BCAS3: variants seen among roughly 807,000 people sequenced by gnomAD.
BCAS3 encodes BCAS3 microtubule associated cell migration factor, also known as BCAS4/BCAS3 fusion.
Under a neutral mutation model 116.1 loss-of-function variants are expected in BCAS3, and 53 were observed. That is an observed-to-expected ratio of 0.46 (90% CI 0.37 to 0.57). BCAS3 has a LOEUF of 0.57. BCAS3 is among the 20% of genes least tolerant of loss of function. The probability of loss-of-function intolerance (pLI) is 0.00; values close to 1 mark genes in which losing one functional copy is unlikely to be tolerated. For synonymous variants in BCAS3, 391 were observed against 408.2 expected (o/e 0.96, Z 0.51); for missense variants, 917 against 1,165.4 (o/e 0.79, Z 3.10).
intron 15 of BCAS3, among the ~76,000 whole-genome samples, chr17:60,999,890 A>G (rs1177647066): frequency 1.3e-5 from 2 of 152,078 alleles, no homozygotes; most frequent in Admixed American, 6.5e-5. Flanking sequence ...ACGTATTTCT[A>G]GGTATTTTAT....
chr17:61,380,588 C>T lies in BCAS3; in HGVS notation c.2594-11389C>T. 6.3e-7 allele frequency: 1 copy of T among 1,595,618 alleles called. No individual in the cohort carries two copies. Among genetic ancestry groups the T allele is most frequent in the Non-Finnish European group, 8.5e-7 (1 of 1,177,410 alleles). ...AGTGTTTTGGTATGTAACGTCCTAT[C>T]TTTGCCTATGTGGAAGGGGTTGTCC... On this transcript the variant is annotated intron_variant, in intron 23 of 23. Transcript: ENST00000407086. This position sits in a 1 kb window ranked among gnomAD's most constrained non-coding sequence, Gnocchi z 4.2.
At chr17:60,826,053 G>A (rs1307812864) in intron 7 of BCAS3, among the ~76,000 whole-genome samples, 1 of 151,504 alleles carries the variant, frequency 6.6e-6, no homozygotes. Flanking sequence ...GTAGAAACAG[G>A]GTTTCATTTT....
intron 1 of BCAS3, among the ~76,000 whole-genome samples, chr17:60,678,418 G>A (rs142098816): frequency 9.9e-4 from 150 of 152,262 alleles, no homozygotes; most frequent in African/African-American, 3.2e-3. Context: ...GTTCCAGGTT[G>A]TGGGCTTCCC....
chr17:61,036,034 C>T (rs1600652846), intron 17 of BCAS3, among the ~76,000 whole-genome samples: 1 of 152,282 alleles, frequency 6.6e-6, no homozygotes, highest in South Asian at 2.1e-4. Context: ...TCTTTCTAAT[C>T]CCTGCTTTGA....
At chr17:61,277,564 C>A (rs2050872842) in intron 22 of BCAS3, among the ~76,000 whole-genome samples, 1 of 152,026 alleles carries the variant, frequency 6.6e-6, no homozygotes, top group Admixed American at 6.6e-5. Context: ...AAATGACCCA[C>A]AAAATGGGAG....
chr17:61,386,796 G>GTTTTTT (rs57275173), intron 23 of BCAS3, among the ~76,000 whole-genome samples: 1 of 113,838 alleles, frequency 8.8e-6, no homozygotes. Context: ...TTTGTTTTTT[G>GTTTTTT]TTTTTTTTTT....
chr17:61,049,328 A>C (rs1003142804), intron 19 of BCAS3, among the ~76,000 whole-genome samples: 1 of 151,922 alleles, frequency 6.6e-6, no homozygotes, highest in Non-Finnish European at 1.5e-5. Context: ...TCAATAAATA[A>C]ATTGCAGAAG....
chr17:60,773,562 G>A (rs1329697418), intron 6 of BCAS3, among the ~76,000 whole-genome samples: 1 of 151,834 alleles, frequency 6.6e-6, no homozygotes, highest in Non-Finnish European at 1.5e-5. Flanking sequence ...CAAAGTACTG[G>A]GATTATAGGC....
rs58524713 is a variant in BCAS3 at position 61,373,729 on chromosome 17, G to GCCCCCC, written c.2593+5239_2593+5240insCCCCCC. Among the ~76,000 whole-genome samples, 141 of 142,086 alleles carry GCCCCCC rather than the reference G, an allele frequency of 9.9e-4. 2 individuals carry two copies. Among genetic ancestry groups the GCCCCCC allele is most frequent in the South Asian group, 4.7e-3 (20 of 4,288 alleles). The allele number at this position is 142,086 out of a possible 152,430, so 93.2% of individuals were successfully genotyped here. On this transcript the variant is annotated intron_variant, in intron 23 of 23. Coordinates refer to ENST00000407086, the MANE Select transcript of BCAS3 (RefSeq NM_017679.5). ...TTACAGGCATGAACCACGATGCCCA[G>GCCCCCC]CCCCTGTTTAAAGTATTCTTGATGC...
At chr17:61,330,821 T>C (rs1049131319) in intron 22 of BCAS3, among the ~76,000 whole-genome samples, 4 of 152,252 alleles carry the variant, frequency 2.6e-5, no homozygotes, top group Non-Finnish European at 5.9e-5. Flanking sequence ...CAAGTAACTT[T>C]CTTTCCCTGG....
intron 7 of BCAS3, among the ~76,000 whole-genome samples, chr17:60,860,419 C>A (rs1041001833): frequency 4.6e-5 from 7 of 152,122 alleles, no homozygotes; most frequent in African/African-American, 1.4e-4. Flanking sequence ...AAATATTTTT[C>A]TGTCCTTCTG....
chr17:61,060,973 C>A (rs941234476), intron 19 of BCAS3, among the ~76,000 whole-genome samples: 7 of 152,108 alleles, frequency 4.6e-5, no homozygotes, highest in Non-Finnish European at 1.0e-4. Context: ...GCTCTTCTTA[C>A]TTTTGGAAAG....
intron 4 of BCAS3, among the ~76,000 whole-genome samples, chr17:60,706,210 C>T (rs1305172393): frequency 6.6e-6 from 1 of 151,870 alleles, no homozygotes; most frequent in African/African-American, 2.4e-5. Context: ...TTACAGGCAC[C>T]CACCACCACG....
intron 10 of BCAS3, chr17:60,891,732 C>G: frequency 2.2e-6 from 1 of 455,984 alleles, no homozygotes; most frequent in Non-Finnish European, 4.4e-6. Flanking sequence ...GGGGATTCAG[C>G]TTCTAGTGTA....
At chr17:61,357,438 A>G (rs1256757729) in intron 22 of BCAS3, among the ~76,000 whole-genome samples, 3 of 149,624 alleles carry the variant, frequency 2.0e-5, no homozygotes, top group Admixed American at 6.6e-5. Flanking sequence ...TCTAAAAAAA[A>G]AAAATTTTTA....
At chr17:60,937,277 TTC>T (rs1337558136) in intron 13 of BCAS3, among the ~76,000 whole-genome samples, 4 of 152,090 alleles carry the variant, frequency 2.6e-5, no homozygotes, top group East Asian at 1.9e-4. Flanking sequence ...TTTTGAGTTT[TTC>T]TCTCTCTTTT....
chr17:60,836,420 C>T (rs1326215467), intron 7 of BCAS3, among the ~76,000 whole-genome samples: 3 of 152,070 alleles, frequency 2.0e-5, no homozygotes, highest in Non-Finnish European at 4.4e-5. Context: ...GAAGCTTATA[C>T]GGTAGTTCTT....
chr17:60,721,769 T>TAA (rs764733104), intron 5 of BCAS3, among the ~76,000 whole-genome samples: 26 of 152,244 alleles, frequency 1.7e-4, no homozygotes, highest in African/African-American at 5.5e-4. Context: ...TATATATATA[T>TAA]AACCTTCTAA....
chr17:60,733,562 TGGG>T (rs2040673807), intron 5 of BCAS3, among the ~76,000 whole-genome samples: 1 of 152,136 alleles, frequency 6.6e-6, no homozygotes, highest in Non-Finnish European at 1.5e-5. Flanking sequence ...GATGTTTGGT[TGGG>T]TGTGGTAGCT....
Sources: gnomAD v4.1 joint callset for allele counts (sites outside exome capture counted in the v4.1 genomes callset) on GRCh38, gnomAD v4.1.1 for gene constraint, Gnocchi (gnomAD v3.1) non-coding constraint, MANE v1.5 for transcripts, NCBI Gene and HGNC (gene_info 2026-07-23, HGNC 2026-07-21) for gene names.